CEP295: variants seen among roughly 807,000 people sequenced by gnomAD.
The protein encoded by CEP295 is centrosomal protein of 295 kDa.
Under a neutral mutation model 291.6 loss-of-function variants are expected in CEP295, and 190 were observed. The observed-to-expected ratio is 0.65, with a 90% confidence interval of 0.58 to 0.73. CEP295 has a LOEUF of 0.73. Among genes scored for constraint, CEP295 ranks in the 30% least tolerant of loss-of-function variants. The pLI, the probability that CEP295 is intolerant of heterozygous loss-of-function variation, is 0.00. For missense variants in CEP295, 2,863 were observed against 2,949.4 expected, an observed-to-expected ratio of 0.97 and a Z score of 0.68; for synonymous variants, 993 against 1,038.8, an observed-to-expected ratio of 0.96 and a Z score of 0.85.
At chr11:93,665,967 A>C (rs944775933) in intron 1 of CEP295, among the ~76,000 whole-genome samples, 3 of 152,228 alleles carry the variant, frequency 2.0e-5, no homozygotes, top group Non-Finnish European at 4.4e-5. Context: ...AAGGTTCTAA[A>C]GTGTCAGATT....
chr11:93,698,643 TGA>T lies in CEP295; in HGVS notation c.3735_3736del (p.Arg1245SerfsTer11). ...ATCCCAAGATGTCAGGAAAGACTTT[TGA>T]GAGTTTCACAACATATGCTACCTCT... On this transcript the variant is annotated frameshift_variant, in exon 15 of 30. Transcript: ENST00000325212. LOFTEE classifies it high-confidence loss of function. 6.4e-7 allele frequency: 1 copy of T among 1,551,064 alleles called. No homozygotes were observed. Among genetic ancestry groups the T allele is most frequent in the Non-Finnish European group, 8.7e-7 (1 of 1,147,118 alleles).
intron 6 of CEP295, among the ~76,000 whole-genome samples, 190 bp from the exon 7 acceptor site, chr11:93,679,222 G>A (rs574498767): frequency 2.6e-5 from 4 of 152,260 alleles, no homozygotes; most frequent in East Asian, 1.9e-4. Context: ...TGAGTAACTC[G>A]TAAAGCTTTA....
chr11:93,689,826 A>G (rs549717659), intron 10 of CEP295, among the ~76,000 whole-genome samples: 1 of 152,366 alleles, frequency 6.6e-6, no homozygotes, highest in African/African-American at 2.4e-5. Context: ...ACAGGTGCTC[A>G]GTTAACATTC....
chr11:93,715,196 A>G (rs1953157226), intron 18 of CEP295, among the ~76,000 whole-genome samples: 1 of 152,084 alleles, frequency 6.6e-6, no homozygotes, highest in African/African-American at 2.4e-5. Context: ...CACCAAAATC[A>G]CAAACAAAGT....
At chr11:93,683,423 T>G (rs1951069831) in intron 7 of CEP295, 136 bp from the exon 8 acceptor site, 2 of 626,462 alleles carry the variant, frequency 3.2e-6, no homozygotes, top group Non-Finnish European at 5.4e-6. Flanking sequence ...TAAATGTCTG[T>G]CTTTTGGCTG....
Position 93,698,890 on chromosome 11 carries a change from C to G in CEP295, c.3978C>G (p.Ser1326Arg). ...AGAGTGAAAGTAAAATTTTTTCAAGCCACCTTCAGATCCCACAATTGCAGG... is the reference window on the plus strand; with the variant it reads ...AGAGTGAAAGTAAAATTTTTTCAAGGCACCTTCAGATCCCACAATTGCAGG... ...FTESESKIFS[S>R]HLQIPQLQDR... The change falls in exon 15 of 30, where the codon AGC (serine) becomes AGG (arginine). Residue 1326 changes from serine (S) to arginine (R), a missense_variant. Physicochemically the swap from Ser to Arg is moderately radical, Grantham distance 110. This residue lies in a region of CEP295 where 2,295 missense variants were observed against 2,335.7 expected (regional missense o/e 0.98). Transcript: ENST00000325212. 6.4e-7 allele frequency: 1 copy of G among 1,551,662 alleles called. No individual in the cohort carries two copies. The highest frequency in any genetic ancestry group is 8.7e-7 in the Non-Finnish European group (1 of 1,146,982).
chr11:93,720,062 T>TTA (rs1555005528), intron 18 of CEP295, among the ~76,000 whole-genome samples: 5 of 144,772 alleles, frequency 3.5e-5, no homozygotes, highest in Non-Finnish European at 3.0e-5. Context: ...TAGAAAGCTG[T>TTA]AAAAAAAAAA....
At position 93,723,885 on chromosome 11, in the gene CEP295, G is replaced by A. The variant is rs187838537; in HGVS notation, c.6197-369G>A. Reference sequence around the variant, plus strand: ...TACCTGTAATCGTAGCACTTTGGGAGGCTGAGGCAGGAGGATTGCTTGAGC... The same window carrying A: ...TACCTGTAATCGTAGCACTTTGGGAAGCTGAGGCAGGAGGATTGCTTGAGC... On this transcript the variant is annotated intron_variant, in intron 21 of 29. Transcript: ENST00000325212. 4.7e-3 allele frequency: 770 copies of A among 162,262 alleles called. 6 individuals are homozygous for A. The highest frequency in any genetic ancestry group is 8.0e-3 in the Admixed American group (126 of 15,700). 10.1% of individuals were successfully genotyped at this position (162,262 alleles called of 1,614,324 possible).
In CEP295 at chr11:93,699,297, A is replaced by G. The variant is rs554733539; in HGVS notation, c.4385A>G (p.His1462Arg). ...QQDNLIALEE[H>R]LHAQTDFLPS... ...GATAATTTGATTGCACTTGAAGAAC[A>G]CTTGCATGCACAGACAGATTTCCTT... The change falls in exon 15 of 30, where the codon CAC becomes CGC. Residue 1462 changes from histidine to arginine, a missense_variant. Physicochemically the swap from His to Arg is conservative, Grantham distance 29. Transcript: ENST00000325212. 89 of 1,552,018 alleles carry G rather than the reference A, an allele frequency of 5.7e-5. No homozygotes were observed. Among genetic ancestry groups the G allele is most frequent in the Non-Finnish European group, 7.6e-5 (87 of 1,146,986 alleles).
In CEP295 at chr11:93,728,685, CAG is replaced by C. The variant is rs996800884; in HGVS notation, c.7168_7169del (p.Glu2390AsnfsTer18). ...CCTTTTAATTGTGGTTCACAGGAAA[CAG>C]AAACTGGCCATGGTATAATGGAAGA... is the stretch of plus-strand genomic sequence containing the variant. On this transcript the variant is annotated frameshift_variant, in exon 25 of 30. Transcript: ENST00000325212. LOFTEE classifies it high-confidence loss of function. 2.2e-5 allele frequency: 34 copies of C among 1,530,508 alleles called. No individual in the cohort carries two copies. Among genetic ancestry groups the C allele is most frequent in the Non-Finnish European group, 2.6e-5 (30 of 1,140,640 alleles). 94.8% of individuals were successfully genotyped at this position (1,530,508 alleles called of 1,614,324 possible).
At chr11:93,692,624 ATT>A (rs528268306) in intron 12 of CEP295, among the ~76,000 whole-genome samples, 2 of 147,444 alleles carry the variant, frequency 1.4e-5, no homozygotes, top group African/African-American at 2.5e-5. Flanking sequence ...TGCCCAGCTA[ATT>A]TTTTTTTTTT....
At chr11:93,714,353 C>T (rs1436258267) in intron 18 of CEP295, among the ~76,000 whole-genome samples, 6 of 152,154 alleles carry the variant, frequency 3.9e-5, no homozygotes, top group South Asian at 2.1e-4. Context: ...CAGGTTCAGG[C>T]GAATCTCCTG....
At chr11:93,682,413 G>A (rs1441880406) in intron 7 of CEP295, among the ~76,000 whole-genome samples, 5 of 151,994 alleles carry the variant, frequency 3.3e-5, no homozygotes, top group Non-Finnish European at 5.9e-5. Context: ...TAGTAGAGAC[G>A]GGATTTCGCC....
Position 93,698,287 on chromosome 11 carries a change from G to T in CEP295, c.3375G>T (p.Glu1125Asp), listed in dbSNP as rs2135111665. 7 of 1,551,778 alleles carry T rather than the reference G, an allele frequency of 4.5e-6. No individual in the cohort carries two copies. The East Asian group carries it at 1.7e-4, about 38-fold the overall frequency. Residue 1125 changes from glutamate (E) to aspartate (D), a missense_variant, in exon 15 of 30, where the codon GAG (glutamate) becomes GAT (aspartate). Coordinates refer to ENST00000325212, the MANE Select transcript of CEP295 (RefSeq NM_033395.2). ...AAGCTGAGCCTAGGAGAATTCAGGAGCTTTATTTATCTGAGAAGGAGAATG... is the reference window on the plus strand; with the variant it reads ...AAGCTGAGCCTAGGAGAATTCAGGATCTTTATTTATCTGAGAAGGAGAATG... ...SAKAEPRRIQ[E>D]LYLSEKENVG...
rs1952054962 is a variant in CEP295 at position 93,700,017 on chromosome 11, T to G, written c.5105T>G (p.Leu1702Ter). The G allele has an allele frequency of 1.9e-6, 3 of 1,551,714 alleles. No individual in the cohort carries two copies. Among genetic ancestry groups the G allele is most frequent in the Non-Finnish European group, 1.7e-6 (2 of 1,147,014 alleles). ...CTTTTGAGTTTTTCACAGTCTGTCT[T>G]AACTCAGCAAGATAACTTGGGACTT... ...DRLLSFSQSV[L>*]TQQDNLGLQK... Residue 1702 changes from leucine (L) to a stop codon, truncating the protein, a stop_gained, in exon 15 of 30, where the codon TTA becomes TGA. Coordinates refer to ENST00000325212, the MANE Select transcript of CEP295 (RefSeq NM_033395.2). LOFTEE classifies it high-confidence loss of function.
intron 21 of CEP295, 198 bp from the exon 22 acceptor site, chr11:93,724,056 G>T (rs1289236246): frequency 7.5e-6 from 3 of 397,818 alleles, no homozygotes; most frequent in African/African-American, 2.1e-5. Context: ...TTGGACCTTT[G>T]AAATAATCAT....
At chr11:93,681,259 C>T (rs1159089702) in intron 7 of CEP295, among the ~76,000 whole-genome samples, 12 of 148,374 alleles carry the variant, frequency 8.1e-5, no homozygotes, top group South Asian at 2.1e-4. Context: ...TTTTTTGAGA[C>T]GGAGTCTCAC....
intron 15 of CEP295, among the ~76,000 whole-genome samples, chr11:93,702,156 A>G (rs1952206566): frequency 6.6e-6 from 1 of 151,370 alleles, no homozygotes; most frequent in Non-Finnish European, 1.5e-5. Flanking sequence ...ACGGGATTTC[A>G]CCATGTTGGC....
chr11:93,684,291 T>C (rs1951117794), intron 9 of CEP295, among the ~76,000 whole-genome samples, 163 bp downstream of exon 9: 1 of 152,244 alleles, frequency 6.6e-6, no homozygotes, highest in Non-Finnish European at 1.5e-5. Flanking sequence ...TTTCCATCAT[T>C]GACGATCCTT....
Sources: allele counts gnomAD v4.1 joint callset (sites outside exome capture counted in the v4.1 genomes callset), GRCh38; gene constraint gnomAD v4.1.1; regional missense constraint gnomAD v4.1.1; transcripts MANE v1.5; gene names NCBI Gene and HGNC (gene_info 2026-07-23, HGNC 2026-07-21).